The following NBR1 variants were observed in gnomAD, a reference collection of about 807,000 sequenced individuals.
NBR1 encodes the protein NBR1 autophagy cargo receptor.
NBR1 carries 59 observed loss-of-function variants against 115.5 expected under a neutral mutation model. That is an observed-to-expected ratio of 0.51 (90% CI 0.41 to 0.63). The LOEUF (loss-of-function observed/expected upper bound fraction) is 0.63, where lower values mean the gene tolerates loss of function less well. Among genes scored for constraint, NBR1 ranks in the 30% least tolerant of loss-of-function variants. The pLI, the probability that NBR1 is intolerant of heterozygous loss-of-function variation, is 0.00. For missense variants in NBR1, 1,043 were observed against 1,150.5 expected, an observed-to-expected ratio of 0.91 and a Z score of 1.35; for synonymous variants, 373 against 414.7, an observed-to-expected ratio of 0.90 and a Z score of 1.22.
chr17:43,211,046 T>C lies in NBR1; in HGVS notation c.*972T>C. 4.2e-6 allele frequency: 1 copy of C among 238,616 alleles called. No individual in the cohort carries two copies. The highest frequency in any genetic ancestry group is 8.0e-6 in the Non-Finnish European group (1 of 125,066). The allele number at this position is 238,616 out of a possible 1,614,324, so 14.8% of individuals were successfully genotyped here. On this transcript the variant is annotated 3_prime_UTR_variant, in exon 21 of 21. Coordinates refer to ENST00000590996, the MANE Select transcript of NBR1 (RefSeq NM_005899.5). Reference sequence around the variant, plus strand: ...AGGTATAGGAAATGCTGATGACTTCTTTAATGCTTGAAGTCCGTTCACAGG... The same window carrying C: ...AGGTATAGGAAATGCTGATGACTTCCTTAATGCTTGAAGTCCGTTCACAGG...
At position 43,193,746 on chromosome 17, in the gene NBR1, G is replaced by T. The variant is rs141360318; in HGVS notation, c.1524+108G>T. On this transcript the variant is annotated intron_variant, in intron 12 of 20. Transcript: ENST00000590996. ...TAGCTGGTTGTTTTCCAGAAACCTTGAAAGGTTAGCATCTCCCCCCGCCCC... is the reference window on the plus strand; with the variant it reads ...TAGCTGGTTGTTTTCCAGAAACCTTTAAAGGTTAGCATCTCCCCCCGCCCC... 5.5e-5 allele frequency: 69 copies of T among 1,253,692 alleles called. No individual in the cohort carries two copies. The East Asian group carries it at 1.8e-3, about 32-fold the overall frequency. 77.7% of individuals were successfully genotyped at this position (1,253,692 alleles called of 1,614,324 possible).
chr17:43,184,039 T>C (rs1266977427), intron 5 of NBR1, among the ~76,000 whole-genome samples: 1 of 151,940 alleles, frequency 6.6e-6, no homozygotes, highest in Non-Finnish European at 1.5e-5. Context: ...CACTTCGATA[T>C]ATTTTTTTGA....
rs770757388 is a variant in NBR1 at position 43,197,003 on chromosome 17, A to C, written c.1923A>C (p.Glu641Asp). 31 of 1,614,030 alleles carry C rather than the reference A, an allele frequency of 1.9e-5. No individual in the cohort carries two copies. Among genetic ancestry groups the C allele is most frequent in the Middle Eastern group, 3.3e-4 (2 of 6,062 alleles). Residue 641 changes from glutamate to aspartate, a missense_variant, in exon 16 of 21, where the codon GAA (glutamate) becomes GAC (aspartate). By Grantham distance (45) the Glu-to-Asp change is conservative. Transcript: ENST00000590996. ...ENIASVEEAE[E>D]DLSGTQFVCE... ...TTGCTTCTGTGGAGGAAGCAGAAGA[A>C]GACCTGAGTGGGACCCAGTTTGTGT... is the stretch of plus-strand genomic sequence containing the variant.
rs746635872 is a variant in NBR1, at chr17:43,180,791, T to C, written c.185-4T>C. 7 of 1,453,976 alleles carry C rather than the reference T, an allele frequency of 4.8e-6. No individual in the cohort carries two copies. The highest frequency in any genetic ancestry group is 6.4e-6 in the Non-Finnish European group (7 of 1,095,758). 90.1% of individuals were successfully genotyped at this position (1,453,976 alleles called of 1,614,324 possible). On this transcript the variant is annotated splice_region_variant and splice_polypyrimidine_tract_variant and intron_variant, in intron 4 of 20. Coordinates refer to ENST00000590996, the MANE Select transcript of NBR1 (RefSeq NM_005899.5). ...ATCATGGTGTATATTTTTTGTTCTT[T>C]TAGGAGAATATGAAGAAGCGCTTAA... is the stretch of plus-strand genomic sequence containing the variant.
rs1327990062 is a variant in NBR1, at chr17:43,210,655, A to G, written c.*581A>G. 4 of 398,476 alleles carry G rather than the reference A, an allele frequency of 1.0e-5. No homozygotes were observed. The highest frequency in any genetic ancestry group is 1.8e-5 in the Non-Finnish European group (4 of 226,064). 24.7% of individuals were successfully genotyped at this position (398,476 alleles called of 1,614,324 possible). ...TTAATAATTGGCACCGTTGCTTTCTAAAGACTCCATGGTGCATTCAAGAGT... is the reference window on the plus strand; with the variant it reads ...TTAATAATTGGCACCGTTGCTTTCTGAAGACTCCATGGTGCATTCAAGAGT... On this transcript the variant is annotated 3_prime_UTR_variant, in exon 21 of 21. Coordinates refer to ENST00000590996, the MANE Select transcript of NBR1 (RefSeq NM_005899.5).
chr17:43,203,939 T>C (rs954625488), intron 20 of NBR1, among the ~76,000 whole-genome samples, 153 bp downstream of exon 20: 3 of 58,764 alleles, frequency 5.1e-5, no homozygotes, highest in African/African-American at 1.3e-4. Flanking sequence ...ACTCTGCCAC[T>C]TTTTTTTTTT....
intron 6 of NBR1, among the ~76,000 whole-genome samples, chr17:43,188,122 C>T (rs1171997801): frequency 6.6e-6 from 1 of 151,722 alleles, no homozygotes; most frequent in African/African-American, 2.4e-5. Context: ...GATCTCCTGA[C>T]CTCGTGGTCC....
chr17:43,203,671 T>C lies in NBR1; in HGVS notation c.2622-10T>C, dbSNP rs1210848553. The C allele has an allele frequency of 1.1e-5, 17 of 1,587,830 alleles. No homozygotes were observed. Among genetic ancestry groups the C allele is most frequent in the South Asian group, 3.4e-5 (3 of 88,736 alleles). On this transcript the variant is annotated splice_polypyrimidine_tract_variant and intron_variant, in intron 19 of 20. Transcript: ENST00000590996. Reference sequence around the variant, plus strand: ...TTTGTTTGGGGAGATAATTTGGTTTTCCTCTGCAGGCACCATCATGGGAGC... The same window carrying C: ...TTTGTTTGGGGAGATAATTTGGTTTCCCTCTGCAGGCACCATCATGGGAGC...
At position 43,202,646 on chromosome 17, in the gene NBR1, T is replaced by C; in HGVS notation, c.2564-9T>C. The C allele has an allele frequency of 6.4e-7, 1 of 1,566,740 alleles. No individual in the cohort carries two copies. The highest frequency in any genetic ancestry group is 1.2e-5 in the South Asian group (1 of 85,052). ...TGCTGCATCTAACCAACAGCTCTTT[T>C]GCTTTTAGAGCCCAGAGGCTCATCA... is the stretch of plus-strand genomic sequence containing the variant. On this transcript the variant is annotated splice_polypyrimidine_tract_variant and intron_variant, in intron 18 of 20. Transcript: ENST00000590996.
intron 6 of NBR1, among the ~76,000 whole-genome samples, chr17:43,188,553 G>A (rs1175607141): frequency 6.6e-6 from 1 of 152,092 alleles, no homozygotes; most frequent in African/African-American, 2.4e-5. Flanking sequence ...GTCCTAAATG[G>A]TATTGCCTAG....
At chr17:43,173,153 A>G (rs902281797) in intron 1 of NBR1, among the ~76,000 whole-genome samples, 1 of 151,522 alleles carries the variant, frequency 6.6e-6, no homozygotes, top group African/African-American at 2.4e-5. Context: ...GTTTAATTGA[A>G]CTTAATTTTT....
intron 16 of NBR1, among the ~76,000 whole-genome samples, chr17:43,199,846 T>C (rs1362476690): frequency 6.6e-6 from 1 of 152,222 alleles, no homozygotes; most frequent in Non-Finnish European, 1.5e-5. Flanking sequence ...AGTTTTGGTT[T>C]AAACTCTACT....
At chr17:43,209,492 C>G in intron 20 of NBR1, 1 of 1,312,456 alleles carries the variant, frequency 7.6e-7, no homozygotes, top group Non-Finnish European at 1.1e-6. Flanking sequence ...CCCATAGCAT[C>G]TTTCAGTAAC....
chr17:43,181,999 C>A (rs35292991), intron 5 of NBR1, among the ~76,000 whole-genome samples: 45,118 of 150,458 alleles, frequency 0.3, 7,474 homozygotes, highest in South Asian at 0.49. Flanking sequence ...ACAAAAAAAA[C>A]CCAAAAAACT....
chr17:43,181,791 C>G (rs1057184216), intron 5 of NBR1, among the ~76,000 whole-genome samples: 2 of 152,054 alleles, frequency 1.3e-5, no homozygotes, highest in African/African-American at 2.4e-5. Context: ...TCAAGACCAG[C>G]CTGACCATGA....
chr17:43,197,045 A>AT lies in NBR1; in HGVS notation c.1966dup (p.Ser656PhefsTer27). The AT allele has an allele frequency of 3.1e-6, 5 of 1,614,024 alleles. No individual in the cohort carries two copies. Among genetic ancestry groups the AT allele is most frequent in the Non-Finnish European group, 4.2e-6 (5 of 1,179,880 alleles). On this transcript the variant is annotated frameshift_variant, in exon 16 of 21. Coordinates refer to ENST00000590996, the MANE Select transcript of NBR1 (RefSeq NM_005899.5). LOFTEE classifies it high-confidence loss of function. ...AGTTTGTGTGTGAGACAGTAATCCG[A>AT]TCCCTTACCTTGGATGCTGCCCCAG...
At chr17:43,202,285 G>A (rs1183527483) in intron 18 of NBR1, among the ~76,000 whole-genome samples, 1 of 151,922 alleles carries the variant, frequency 6.6e-6, no homozygotes, top group Non-Finnish European at 1.5e-5. Context: ...TAGAGGTAGT[G>A]GAAAGAACAC....
Position 43,202,709 on chromosome 17 carries a change from C to G in NBR1, c.2618C>G (p.Ser873Ter). Residue 873 changes from serine to a stop codon, truncating the protein, a stop_gained, in exon 19 of 21, where the codon TCA becomes TGA. Transcript: ENST00000590996. LOFTEE classifies it high-confidence loss of function. ...AGCAGACAGAAGAGCTATGACCACT[C>G]AAGGTAACAACCTTGTGCAGTCTCT... ...VNSRQKSYDH[S>*]RHHHGSSIAG... is the part of the protein sequence containing the mutation. The G allele has an allele frequency of 6.4e-7, 1 of 1,570,366 alleles. No homozygotes were observed. Among genetic ancestry groups the G allele is most frequent in the South Asian group, 1.2e-5 (1 of 85,344 alleles).
At chr17:43,209,785 C>G in intron 20 of NBR1, 116 bp from the exon 21 acceptor site, 2 of 1,467,344 alleles carry the variant, frequency 1.4e-6, no homozygotes, top group Non-Finnish European at 1.8e-6. Context: ...TTACCTAGTA[C>G]TTTGAATAAA....
Sources: allele counts gnomAD v4.1 joint callset (sites outside exome capture counted in the v4.1 genomes callset), GRCh38; gene constraint gnomAD v4.1.1; transcripts MANE v1.5; gene names NCBI Gene and HGNC (gene_info 2026-07-23, HGNC 2026-07-21).